Variants in MCF2L observed in about 807,000 individuals in gnomAD.
The protein encoded by MCF2L is MCF.2 cell line derived transforming sequence like.
A neutral mutation model predicts 153.4 loss-of-function variants in MCF2L; 97 were observed. That is an observed-to-expected ratio of 0.63 (90% CI 0.54 to 0.75). The LOEUF is 0.75. MCF2L is among the 30% of genes least tolerant of loss of function. MCF2L has a pLI of 0.00. For missense variants in MCF2L, 1,347 were observed against 1,495.2 expected, an observed-to-expected ratio of 0.90 and a Z score of 1.64; for synonymous variants, 659 against 632.2, an observed-to-expected ratio of 1.04 and a Z score of -0.64.
chr13:113,030,432 C>G (rs1439171461), intron 3 of MCF2L, among the ~76,000 whole-genome samples: 8 of 132,098 alleles, frequency 6.1e-5, no homozygotes, highest in Admixed American at 3.1e-4. Context: ...CGCCGACGCC[C>G]GGTGTGGACT....
intron 2 of MCF2L, chr13:112,917,126 C>G: frequency 4.2e-6 from 2 of 471,284 alleles, no homozygotes; most frequent in Non-Finnish European, 8.8e-6. Flanking sequence ...CCTCGGCGAT[C>G]TCAGTCCCCT....
In MCF2L at chr13:113,085,259, A is replaced by G. The variant is rs550453095; in HGVS notation, c.2247+81A>G. 70 of 1,243,348 alleles carry G rather than the reference A, an allele frequency of 5.6e-5. No homozygotes were observed. The African/African-American group carries it at 8.5e-4, about 15-fold the overall frequency. 77.0% of individuals were successfully genotyped at this position (1,243,348 alleles called of 1,614,324 possible). ...TGTGCCGCCCTGGGGCCCCGTCCCC[A>G]TCGCGCCCTGCCCCTCCCAGGCCAA... On this transcript the variant is annotated intron_variant, in intron 20 of 29. Coordinates refer to ENST00000535094, the MANE Select transcript of MCF2L (RefSeq NM_001112732.3).
chr13:113,070,174 G>T lies in MCF2L; in HGVS notation c.996+1G>T. On this transcript the variant is annotated splice_donor_variant, in intron 9 of 29. Transcript: ENST00000535094. LOFTEE classifies it high-confidence loss of function. This position sits in a 1 kb window ranked among gnomAD's most constrained non-coding sequence, Gnocchi z 5.6. ...GCACTTTGAGCAGGGCTTCCGGGAG[G>T]TGAGTGGCCCTGGGTGGAGCCGGCA... 6.3e-7 allele frequency: 1 copy of T among 1,588,768 alleles called. No homozygotes were observed.
intron 8 of MCF2L, among the ~76,000 whole-genome samples, chr13:113,067,185 T>C (rs1014739049): frequency 2.0e-5 from 3 of 152,152 alleles, no homozygotes; most frequent in Non-Finnish European, 2.9e-5. Flanking sequence ...GACTGGGTGG[T>C]GCACAGCTGG....
At position 112,951,968 on chromosome 13, in the gene MCF2L, G is replaced by T. The variant is rs756402336; in HGVS notation, c.169+49597G>T. Among the ~76,000 whole-genome samples the T allele has an allele frequency of 6.6e-6, 1 of 152,204 alleles. No homozygotes were observed. Among genetic ancestry groups the T allele is most frequent in the Non-Finnish European group, 1.5e-5 (1 of 68,046 alleles). On this transcript the variant is annotated intron_variant, in intron 2 of 29. Coordinates refer to the MCF2L transcript ENST00000375608. This position sits in a 1 kb window ranked among gnomAD's most constrained non-coding sequence, Gnocchi z 4.8. ...GGGCTTTACCAATATGTAGAATCAC[G>T]TGAAGTGGGAAGAGGGAAAAGGGCT...
intron 3 of MCF2L, among the ~76,000 whole-genome samples, chr13:113,030,383 T>C (rs1221062644): frequency 5.0e-5 from 7 of 140,614 alleles, no homozygotes; most frequent in African/African-American, 1.9e-4. Flanking sequence ...GTGTGGGCCC[T>C]CGGGTGTCCG....
intron 2 of MCF2L, among the ~76,000 whole-genome samples, chr13:113,020,347 G>A (rs1200538172): frequency 6.6e-6 from 1 of 152,236 alleles, no homozygotes; most frequent in Admixed American, 6.5e-5. Context: ...ACACGTGTGA[G>A]TCGTCACACC....
At chr13:112,963,758 C>T (rs369411073) in intron 2 of MCF2L, among the ~76,000 whole-genome samples, 67 of 152,348 alleles carry the variant, frequency 4.4e-4, no homozygotes, top group African/African-American at 1.6e-3. Flanking sequence ...AACCATCATC[C>T]AACCACCGGT....
At chr13:112,997,710 G>A (rs1053014827) in intron 1 of MCF2L, among the ~76,000 whole-genome samples, 4 of 152,334 alleles carry the variant, frequency 2.6e-5, no homozygotes, top group Middle Eastern at 3.4e-3. Context: ...ACCCTCGTCC[G>A]TCACACCTGG....
intron 4 of MCF2L, among the ~76,000 whole-genome samples, chr13:113,052,305 G>C (rs975027696): frequency 1.3e-5 from 2 of 152,180 alleles, no homozygotes; most frequent in East Asian, 1.9e-4. Flanking sequence ...GAAGGAGCCC[G>C]GGGGTCCCTG....
In MCF2L at chr13:113,085,179, GT is replaced by G; in HGVS notation, c.2247+2del. The G allele has an allele frequency of 6.2e-7, 1 of 1,613,026 alleles. No individual in the cohort carries two copies. The highest frequency in any genetic ancestry group is 8.5e-7 in the Non-Finnish European group (1 of 1,179,854). Reference sequence around the variant, plus strand: ...CACCAAGTACCAGCTGCTGCTCAAGGTGGGCTCCGCGGTGACCGTGGCCCGG... The same window carrying G: ...CACCAAGTACCAGCTGCTGCTCAAGGGGGCTCCGCGGTGACCGTGGCCCGG... On this transcript the variant is annotated splice_donor_variant, in intron 20 of 29. Coordinates refer to ENST00000535094, the MANE Select transcript of MCF2L (RefSeq NM_001112732.3). LOFTEE classifies it high-confidence loss of function.
rs185885553 is a variant in MCF2L at position 112,905,196 on chromosome 13, C to T, written c.169+2825C>T. 5.9e-5 allele frequency among the ~76,000 whole-genome samples: 9 copies of T among 152,306 alleles called. 1 individual carries two copies. The highest frequency in any genetic ancestry group is 5.2e-4 in the Admixed American group (8 of 15,294). ...GAAGGGTGCTGCTCACTCTTCTGGT[C>T]GCTGCAAGAGCACACCGAACAAAGG... On this transcript the variant is annotated intron_variant, in intron 2 of 29. Transcript: ENST00000375608.
intron 2 of MCF2L, chr13:112,910,544 T>C (rs550451713): frequency 6.6e-6 from 1 of 152,372 alleles, no homozygotes; most frequent in East Asian, 1.9e-4. Context: ...CAGTCTTCAA[T>C]TTTGTAAACA....
upstream of MCF2L, chr13:112,968,871 G>A (rs964307738): frequency 1.1e-6 from 1 of 898,500 alleles, no homozygotes; most frequent in Admixed American, 4.1e-5. Flanking sequence ...GGGGCTCCCA[G>A]GGGACCTCGG....
intron 2 of MCF2L, among the ~76,000 whole-genome samples, chr13:112,949,933 G>C (rs2081674825): frequency 6.7e-6 from 1 of 149,310 alleles, no homozygotes; most frequent in African/African-American, 2.5e-5. Flanking sequence ...ATATGGATTG[G>C]AATGAAATAA....
rs2297189 is a variant in MCF2L, at chr13:113,064,196, A to T, written c.490-108A>T. ...ACCCACACAGCCGCCCGCAGCATCC[A>T]GGCAGACGTGGTCCTCTCTGTGCTG... On this transcript the variant is annotated intron_variant, in intron 5 of 29. Transcript: ENST00000535094. This position sits in a 1 kb window ranked among gnomAD's most constrained non-coding sequence, Gnocchi z 6.0. The T allele has an allele frequency of 0.01, 8,553 of 823,790 alleles. 300 individuals carry two copies. Among genetic ancestry groups the T allele is most frequent in the East Asian group, 0.084 (3,463 of 41,100 alleles). The allele number at this position is 823,790 out of a possible 1,614,324, so 51.0% of individuals were successfully genotyped here. A position where few individuals can be genotyped will look rare whatever the true frequency, so the allele number is the denominator to read the frequency against.
intron 2 of MCF2L, among the ~76,000 whole-genome samples, chr13:112,949,734 G>A (rs913241057): frequency 6.6e-6 from 1 of 151,654 alleles, no homozygotes; most frequent in African/African-American, 2.4e-5. Flanking sequence ...GGAGTAGAGG[G>A]GGGGACCGTC....
chr13:113,075,954 CTG>C lies in MCF2L; in HGVS notation c.1309-8_1309-7del. On this transcript the variant is annotated splice_polypyrimidine_tract_variant and intron_variant, in intron 11 of 29. Coordinates refer to ENST00000535094, the MANE Select transcript of MCF2L (RefSeq NM_001112732.3). ...ACGGCGTCCTGCCCTCGGCAATGCT[CTG>C]TGTTTCCAGTCCATGAAGTGGTGTG... 6.3e-7 allele frequency: 1 copy of C among 1,593,428 alleles called. No homozygotes were observed. The highest frequency in any genetic ancestry group is 8.6e-7 in the Non-Finnish European group (1 of 1,169,066).
intron 8 of MCF2L, among the ~76,000 whole-genome samples, chr13:113,069,786 G>A (rs2032686420): frequency 6.6e-6 from 1 of 152,146 alleles, no homozygotes; most frequent in East Asian, 1.9e-4. Flanking sequence ...CAAACTCGGC[G>A]GCTCAGCCTA....
Sources: allele counts gnomAD v4.1 joint callset (sites outside exome capture counted in the v4.1 genomes callset), GRCh38; gene constraint gnomAD v4.1.1; non-coding constraint Gnocchi (gnomAD v3.1); transcripts MANE v1.5; gene names NCBI Gene and HGNC (gene_info 2026-07-23, HGNC 2026-07-21).